The following TRIB3 variants were observed in gnomAD, a reference collection of about 807,000 sequenced individuals.
TRIB3 encodes the protein tribbles pseudokinase 3.
TRIB3 carries 20 observed loss-of-function variants against 16.6 expected under a neutral mutation model. The observed-to-expected ratio is 1.20, with a 90% confidence interval of 0.85 to 1.75. The LOEUF (loss-of-function observed/expected upper bound fraction) is 1.75, where lower values mean the gene tolerates loss of function less well. TRIB3 is among the 40% of genes most tolerant of loss of function. TRIB3 has a pLI of 0.00. For missense variants in TRIB3, 484 were observed against 488.9 expected, an observed-to-expected ratio of 0.99 and a Z score of 0.10; for synonymous variants, 208 against 217.0, an observed-to-expected ratio of 0.96 and a Z score of 0.36.
chr20:389,323 G>A (rs1172393494), intron 2 of TRIB3, among the ~76,000 whole-genome samples: 47 of 152,236 alleles, frequency 3.1e-4, no homozygotes, highest in East Asian at 1.9e-4. Flanking sequence ...TCCTGTGCCC[G>A]TGCTAGGATA....
At chr20:395,377 T>G (rs2122706993) in intron 3 of TRIB3, among the ~76,000 whole-genome samples, 1 of 152,116 alleles carries the variant, frequency 6.6e-6, no homozygotes, top group East Asian at 1.9e-4. Flanking sequence ...CCCAGGCTGG[T>G]CTTGAACTCC....
At chr20:387,046 T>C (rs1322385275) in intron 1 of TRIB3, among the ~76,000 whole-genome samples, 3 of 152,174 alleles carry the variant, frequency 2.0e-5, no homozygotes, top group Non-Finnish European at 4.4e-5. Flanking sequence ...CCACCACGCC[T>C]GGCCAGGAAA....
Position 396,617 on chromosome 20 carries a change from T to A in TRIB3, c.1004T>A (p.Val335Glu), listed in dbSNP as rs766520143. 2.5e-6 allele frequency: 4 copies of A among 1,612,986 alleles called. No individual in the cohort carries two copies. Among genetic ancestry groups the A allele is most frequent in the Non-Finnish European group, 3.4e-6 (4 of 1,180,030 alleles). ...TRSHLWEAAQVVPDGLGLDEA... is the reference protein window; with the variant it reads ...TRSHLWEAAQEVPDGLGLDEA... ...TCCCATCTCTGGGAGGCTGCCCAGG[T>A]GGTCCCTGATGGACTGGGGCTGGAC... Residue 335 changes from valine (V) to glutamate (E), a missense_variant, in exon 4 of 4, where the codon GTG (valine) becomes GAG (glutamate). Physicochemically the swap from Val to Glu is moderately radical, Grantham distance 121 (BLOSUM62 -2). Coordinates refer to ENST00000217233, the MANE Select transcript of TRIB3 (RefSeq NM_021158.5).
intron 1 of TRIB3, chr20:382,512 C>T: frequency 1.3e-6 from 2 of 1,534,974 alleles, no homozygotes; most frequent in Non-Finnish European, 1.7e-6. Flanking sequence ...TCATCCCAGC[C>T]TCGAACCTGG....
Position 397,280 on chromosome 20 carries a change from T to G in TRIB3, c.*590T>G, listed in dbSNP as rs1430745095. 4 of 153,222 alleles carry G rather than the reference T, an allele frequency of 2.6e-5. No homozygotes were observed. Among genetic ancestry groups the G allele is most frequent in the African/African-American group, 9.6e-5 (4 of 41,452 alleles). The allele number at this position is 153,222 out of a possible 1,614,324, so 9.5% of individuals were successfully genotyped here. A position where few individuals can be genotyped will look rare whatever the true frequency, so the allele number is the denominator to read the frequency against. The stretch of plus-strand genomic sequence containing the variant: ...TCCTTCCAGGCCTAAGCCTGGGATT[T>G]GGGCCAGAGATAAGAATCCAAACTA... On this transcript the variant is annotated 3_prime_UTR_variant, in exon 4 of 4. Coordinates refer to ENST00000217233, the MANE Select transcript of TRIB3 (RefSeq NM_021158.5).
At position 396,705 on chromosome 20, in the gene TRIB3, ACGCTCAGCTG is replaced by A. The variant is rs759977026; in HGVS notation, c.*17_*26del. 5.9e-4 allele frequency: 935 copies of A among 1,586,946 alleles called. 2 individuals are homozygous for A. Among genetic ancestry groups the A allele is most frequent in the Non-Finnish European group, 7.6e-4 (880 of 1,164,340 alleles). ...TGTATGGCTAGGACCACCCTACTAC[ACGCTCAGCTG>A]CCAACAGTGGATTGAGTTTGGGGGT... On this transcript the variant is annotated 3_prime_UTR_variant, in exon 4 of 4. Coordinates refer to ENST00000217233, the MANE Select transcript of TRIB3 (RefSeq NM_021158.5).
At chr20:387,144 G>A (rs143291778) in intron 1 of TRIB3, among the ~76,000 whole-genome samples, 163 of 152,274 alleles carry the variant, frequency 1.1e-3, no homozygotes, top group Non-Finnish European at 1.6e-3. Flanking sequence ...GGGAGGCTGA[G>A]GCAGGAGGAT....
chr20:385,170 T>C (rs2014765435), intron 1 of TRIB3, among the ~76,000 whole-genome samples: 1 of 152,216 alleles, frequency 6.6e-6, no homozygotes, highest in Non-Finnish European at 1.5e-5. Context: ...CGGAGTGCAA[T>C]GACACTATCT....
chr20:392,619 C>T lies in TRIB3; in HGVS notation c.584+1040C>T, dbSNP rs763788322. The stretch of plus-strand genomic sequence containing the variant: ...TCACCCAGGCTGGAATGCAATGGCG[C>T]GATCTTGGCTCACTGCAACCTCTGC... On this transcript the variant is annotated intron_variant, in intron 3 of 3. Coordinates refer to ENST00000217233, the MANE Select transcript of TRIB3 (RefSeq NM_021158.5). 2.1e-4 allele frequency among the ~76,000 whole-genome samples: 32 copies of T among 151,900 alleles called. 1 individual carries two copies. Among genetic ancestry groups the T allele is most frequent in the Non-Finnish European group, 3.4e-4 (23 of 67,958 alleles).
At chr20:387,079 A>G (rs997520232) in intron 1 of TRIB3, among the ~76,000 whole-genome samples, 5 of 152,150 alleles carry the variant, frequency 3.3e-5, no homozygotes, top group African/African-American at 1.2e-4. Flanking sequence ...GCTCAAATTC[A>G]AAACTATAAA....
rs753115173 is a variant in TRIB3 at position 396,340 on chromosome 20, G to A, written c.727G>A (p.Asp243Asn). ...SRASYSGKAA[D>N]VWSLGVALFT... ...GGCCTCATACTCGGGCAAGGCAGCC[G>A]ATGTCTGGAGCCTGGGCGTGGCGCT... Residue 243 changes from aspartate to asparagine, a missense_variant, in exon 4 of 4, where the codon GAT becomes AAT. By Grantham distance (23) the Asp-to-Asn change is conservative (BLOSUM62 1). Coordinates refer to ENST00000217233, the MANE Select transcript of TRIB3 (RefSeq NM_021158.5). The A allele has an allele frequency of 2.5e-5, 41 of 1,613,646 alleles. No homozygotes were observed. The East Asian group carries it at 4.5e-4, about 18-fold the overall frequency.
intron 1 of TRIB3, among the ~76,000 whole-genome samples, chr20:383,619 T>C (rs1280285619): frequency 6.6e-6 from 1 of 152,100 alleles, no homozygotes; most frequent in Admixed American, 6.6e-5. Context: ...ATTTTTTTTT[T>C]CTTAGGGACA....
At chr20:389,087 A>G (rs1439451997) in intron 2 of TRIB3, among the ~76,000 whole-genome samples, 2 of 152,204 alleles carry the variant, frequency 1.3e-5, no homozygotes, top group Non-Finnish European at 2.9e-5. Context: ...AGAGATGAGA[A>G]TAAAAAGTGT....
intron 1 of TRIB3, 134 bp from the exon 2 acceptor site, chr20:387,877 T>C (rs2014861401): frequency 9.4e-7 from 1 of 1,060,858 alleles, no homozygotes; most frequent in Non-Finnish European, 1.3e-6. Context: ...GTTAAGGATA[T>C]GTGACTTTGT....
At chr20:394,373 C>CT (rs2122703913) in intron 3 of TRIB3, among the ~76,000 whole-genome samples, 1 of 152,214 alleles carries the variant, frequency 6.6e-6, no homozygotes, top group East Asian at 1.9e-4. Context: ...ACAAGCATGC[C>CT]TTTTTTAAAG....
intron 3 of TRIB3, among the ~76,000 whole-genome samples, chr20:391,921 C>T (rs1489027526): frequency 1.3e-5 from 2 of 151,898 alleles, no homozygotes; most frequent in Non-Finnish European, 2.9e-5. Context: ...ACTCTGAAGG[C>T]TGAGGCAGGA....
At chr20:390,027 G>A (rs1238329117) in intron 2 of TRIB3, among the ~76,000 whole-genome samples, 1 of 152,154 alleles carries the variant, frequency 6.6e-6, no homozygotes, top group Non-Finnish European at 1.5e-5. Context: ...AAGCGAATAA[G>A]TAAAATACGT....
Position 396,589 on chromosome 20 carries a change from C to G in TRIB3, c.976C>G (p.Arg326Gly). ...RQDPMPLAPT[R>G]SHLWEAAQVV... is the part of the protein sequence containing the mutation. ...GGACCCGATGCCCTTAGCCCCAACC[C>G]GATCCCATCTCTGGGAGGCTGCCCA... Residue 326 changes from arginine to glycine, a missense_variant, in exon 4 of 4, where the codon CGA becomes GGA. Physicochemically the swap from Arg to Gly is moderately radical, Grantham distance 125. Transcript: ENST00000217233. 1 of 1,613,132 alleles carries G rather than the reference C, an allele frequency of 6.2e-7. No homozygotes were observed. Among genetic ancestry groups the G allele is most frequent in the Non-Finnish European group, 8.5e-7 (1 of 1,180,014 alleles).
intron 3 of TRIB3, among the ~76,000 whole-genome samples, chr20:392,646 G>A (rs1240362641): frequency 2.0e-5 from 3 of 151,528 alleles, no homozygotes; most frequent in African/African-American, 7.3e-5. Flanking sequence ...AACCTCTGCT[G>A]CCTGGGTTCA....
Sources: gnomAD v4.1 joint callset for allele counts (sites outside exome capture counted in the v4.1 genomes callset) on GRCh38, gnomAD v4.1.1 for gene constraint, MANE v1.5 for transcripts, NCBI Gene and HGNC (gene_info 2026-07-23, HGNC 2026-07-21) for gene names.